The following CALB1 variants were observed in gnomAD, a reference collection of about 807,000 sequenced individuals.
CALB1 encodes calbindin 1, also known as calbindin.
CALB1 carries 16 observed loss-of-function variants against 46.7 expected under a neutral mutation model. The observed-to-expected ratio is 0.34, with a 90% CI of 0.23 to 0.52. CALB1 has a LOEUF of 0.52. Among genes scored for constraint, CALB1 ranks in the 20% least tolerant of loss-of-function variants. The probability of loss-of-function intolerance (pLI) is 0.95; values close to 1 mark genes in which losing one functional copy is unlikely to be tolerated. For missense variants in CALB1, 224 were observed against 300.3 expected (o/e 0.75, Z 1.88); for synonymous variants, 90 against 112.8 (o/e 0.80, Z 1.28).
chr8:90,081,304 A>G (rs1242324480), intron 2 of CALB1: 1 of 170,042 alleles, frequency 5.9e-6, no homozygotes, highest in Non-Finnish European at 1.2e-5. Flanking sequence ...AATTCTTAAA[A>G]TTGTTTTACT....
rs374370017 is a variant in CALB1 at position 90,082,735 on chromosome 8, G to T, written c.-38C>A. The T allele has an allele frequency of 2.5e-6, 4 of 1,571,108 alleles. No individual in the cohort carries two copies. The highest frequency in any genetic ancestry group is 2.2e-5 in the East Asian group (1 of 44,708). ...TGTGTGTCTGGGTGTGTGAATATGC[G>T]TGTGTCTGTGTCCGCGCGAGGGGGA... On this transcript the variant is annotated 5_prime_UTR_variant, in exon 1 of 11. Coordinates refer to ENST00000265431, the MANE Select transcript of CALB1 (RefSeq NM_004929.4).
chr8:90,060,403 C>A, intron 10 of CALB1, 117 bp from the exon 11 acceptor site: 1 of 746,138 alleles, frequency 1.3e-6, no homozygotes, highest in Non-Finnish European at 2.3e-6. Context: ...AACAAAAGAG[C>A]TGGATTAAAT....
intron 2 of CALB1, 73 bp from the exon 3 acceptor site, chr8:90,078,520 T>C: frequency 1.1e-6 from 1 of 879,128 alleles, no homozygotes; most frequent in East Asian, 2.6e-5. Context: ...TGTTAATAAC[T>C]TACTGCAAAG....
intron 6 of CALB1, chr8:90,063,685 G>T: frequency 4.2e-6 from 2 of 475,914 alleles, no homozygotes; most frequent in South Asian, 3.5e-5. Context: ...CAGAGAAATA[G>T]TGGTTTTAGC....
chr8:90,067,713 A>G lies in CALB1; in HGVS notation c.372+1285T>C, dbSNP rs1805906. Among the ~76,000 whole-genome samples, 1,162 of 152,252 alleles carry G rather than the reference A, an allele frequency of 7.6e-3. 15 individuals are homozygous for G. The highest frequency in any genetic ancestry group is 0.026 in the African/African-American group (1,095 of 41,560). On this transcript the variant is annotated intron_variant, in intron 5 of 10. Coordinates refer to ENST00000265431, the MANE Select transcript of CALB1 (RefSeq NM_004929.4). Reference sequence around the variant, plus strand: ...GATATTCATATTTCCCCACATAGCAAAAGAGCAGCTCTTAATAAATGAAGT... The same window carrying G: ...GATATTCATATTTCCCCACATAGCAGAAGAGCAGCTCTTAATAAATGAAGT...
chr8:90,082,155 TC>T (rs1014552819), intron 1 of CALB1, 53 bp from the exon 2 acceptor site: 70 of 1,463,800 alleles, frequency 4.8e-5, no homozygotes, highest in Non-Finnish European at 6.0e-5. Flanking sequence ...CAAGTGTCTT[TC>T]CCGTTCACTT....
chr8:90,074,533 G>C (rs1393330581), intron 3 of CALB1, among the ~76,000 whole-genome samples: 1 of 151,252 alleles, frequency 6.6e-6, no homozygotes. Context: ...CACTTAGAAA[G>C]ATCTATGCAG....
Position 90,060,251 on chromosome 8 carries a change from C to A in CALB1, c.708G>T (p.Lys236Asn). The part of the protein sequence containing the change: ...LDINNITTYK[K>N]NIMALSDGGK... ...CTCCATCCGACAAAGCCATTATGTTCTTCTTGTATGTTGTAATATTATTAA... is the reference window on the plus strand; with the variant it reads ...CTCCATCCGACAAAGCCATTATGTTATTCTTGTATGTTGTAATATTATTAA... The change falls in exon 11 of 11, where the codon AAG (lysine) becomes AAT (asparagine). Residue 236 changes from lysine (K) to asparagine (N), a missense_variant. Transcript: ENST00000265431. The A allele has an allele frequency of 6.2e-7, 1 of 1,611,322 alleles. No homozygotes were observed. The highest frequency in any genetic ancestry group is 8.5e-7 in the Non-Finnish European group (1 of 1,177,504).
intron 2 of CALB1, among the ~76,000 whole-genome samples, chr8:90,080,046 C>T (rs750697021): frequency 5.3e-5 from 8 of 151,890 alleles, no homozygotes; most frequent in Admixed American, 2.0e-4. Flanking sequence ...GAATCCACAT[C>T]TTGATTTAGA....
chr8:90,063,608 A>G (rs1814340950), intron 6 of CALB1, 147 bp from the exon 7 acceptor site: 1 of 641,220 alleles, frequency 1.6e-6, no homozygotes. Context: ...AAAACTTTCA[A>G]TGCAAATTTT....
intron 3 of CALB1, among the ~76,000 whole-genome samples, chr8:90,072,165 T>G (rs949034933): frequency 2.0e-5 from 3 of 152,010 alleles, no homozygotes; most frequent in Admixed American, 1.3e-4. Context: ...ATTCACTGAA[T>G]ACATAAAAAC....
intron 2 of CALB1, among the ~76,000 whole-genome samples, chr8:90,080,643 C>G (rs910653142): frequency 9.2e-5 from 14 of 151,802 alleles, no homozygotes; most frequent in African/African-American, 3.4e-4. Context: ...TATTTTATTC[C>G]GTTCTATTAT....
chr8:90,065,263 G>A (rs527284347), intron 6 of CALB1, among the ~76,000 whole-genome samples: 64 of 151,478 alleles, frequency 4.2e-4, no homozygotes, highest in Admixed American at 3.1e-3. Flanking sequence ...AAGTGCCTAT[G>A]TGTAAAGCAG....
intron 9 of CALB1, chr8:90,062,158 C>A (rs2130218684): frequency 6.6e-6 from 1 of 151,810 alleles, no homozygotes; most frequent in South Asian, 2.1e-4. Flanking sequence ...GAAATTGGAC[C>A]CTTAGCTTAC....
At position 90,082,214 on chromosome 8, in the gene CALB1, G is replaced by A. The variant is rs543672272; in HGVS notation, c.80-112C>T. ...CGACCCGAGAGGCTCTCTCTTGCCTGGACGTTGATTAACCAGCAAAGTGTA... is the reference window on the plus strand; with the variant it reads ...CGACCCGAGAGGCTCTCTCTTGCCTAGACGTTGATTAACCAGCAAAGTGTA... On this transcript the variant is annotated intron_variant, in intron 1 of 10. Coordinates refer to ENST00000265431, the MANE Select transcript of CALB1 (RefSeq NM_004929.4). The A allele has an allele frequency of 4.1e-5, 37 of 901,188 alleles. No homozygotes were observed. The South Asian group carries it at 5.4e-4, about 13-fold the overall frequency. The allele number at this position is 901,188 out of a possible 1,614,324, so 55.8% of individuals were successfully genotyped here. A position where few individuals can be genotyped will look rare whatever the true frequency, so the allele number is the denominator to read the frequency against.
chr8:90,076,371 C>A (rs990882784), intron 3 of CALB1, among the ~76,000 whole-genome samples: 1 of 151,880 alleles, frequency 6.6e-6, no homozygotes, highest in African/African-American at 2.4e-5. Context: ...ACTGTTCTAC[C>A]ATTTATTTCT....
chr8:90,064,732 T>G lies in CALB1; in HGVS notation c.450+1166A>C, dbSNP rs556353646. 2.0e-5 allele frequency among the ~76,000 whole-genome samples: 3 copies of G among 151,988 alleles called. No homozygotes were observed. In the East Asian group the frequency reaches 5.8e-4, roughly 29 times the overall value. On this transcript the variant is annotated intron_variant, in intron 6 of 10. Transcript: ENST00000265431. Reference sequence around the variant, plus strand: ...AGCAAGAAACTCTCCCCCATTTGTTTGCTAGTGCTATTGTAAGTGGAGATG... The same window carrying G: ...AGCAAGAAACTCTCCCCCATTTGTTGGCTAGTGCTATTGTAAGTGGAGATG...
At chr8:90,063,712 T>C in intron 6 of CALB1, 2 of 417,080 alleles carry the variant, frequency 4.8e-6, no homozygotes, top group South Asian at 7.9e-5. Context: ...TCTAGAATAC[T>C]GTCACTTTTT....
intron 3 of CALB1, among the ~76,000 whole-genome samples, chr8:90,075,639 G>A (rs1213575724): frequency 3.9e-5 from 6 of 152,086 alleles, no homozygotes; most frequent in Non-Finnish European, 8.8e-5. Flanking sequence ...CAAAATATAA[G>A]TTCAGACATT....
Sources: allele counts gnomAD v4.1 joint callset (sites outside exome capture counted in the v4.1 genomes callset), GRCh38; gene constraint gnomAD v4.1.1; transcripts MANE v1.5; gene names NCBI Gene and HGNC (gene_info 2026-07-23, HGNC 2026-07-21).